Variants in DARS1 observed in about 807,000 individuals in gnomAD.
DARS1 encodes the protein aspartate--tRNA ligase, cytoplasmic.
In DARS1, 51 loss-of-function variants were observed where a neutral mutation model predicts 68.8. The ratio of observed to expected loss-of-function variants is 0.74; its 90% confidence interval spans 0.59 to 0.94. The LOEUF is 0.94. Ranked by LOEUF, DARS1 falls within the 40% of genes least tolerant of loss-of-function variation. The pLI is 0.00. For missense variants in DARS1, 607 were observed against 597.3 expected (o/e 1.02, Z -0.17); for synonymous variants, 203 against 190.4 (o/e 1.07, Z -0.55).
At chr2:135,934,528 A>G (rs1681424729) in intron 5 of DARS1, among the ~76,000 whole-genome samples, 1 of 152,032 alleles carries the variant, frequency 6.6e-6, no homozygotes, top group Admixed American at 6.6e-5. Flanking sequence ...TGGCTGAGGC[A>G]CAAGGATCAC....
At position 135,940,931 on chromosome 2, in the gene DARS1, T is replaced by A. The variant is rs543321530; in HGVS notation, c.423+2447A>T. 4.1e-4 allele frequency among the ~76,000 whole-genome samples: 63 copies of A among 152,076 alleles called. 1 individual carries two copies. Among genetic ancestry groups the A allele is most frequent in the African/African-American group, 1.4e-3 (60 of 41,470 alleles). On this transcript the variant is annotated intron_variant, in intron 5 of 15. Coordinates refer to ENST00000264161, the MANE Select transcript of DARS1 (RefSeq NM_001349.4). Reference sequence around the variant, plus strand: ...CACAATTGCTTCAAAGAGAATAAAATACCTAGGAATCCAACTTACAAGGGA... The same window carrying A: ...CACAATTGCTTCAAAGAGAATAAAAAACCTAGGAATCCAACTTACAAGGGA...
At chr2:135,982,191 A>G (rs1275579979) in intron 2 of DARS1, among the ~76,000 whole-genome samples, 1 of 152,232 alleles carries the variant, frequency 6.6e-6, no homozygotes, top group Non-Finnish European at 1.5e-5. Context: ...TAGTTAAGTA[A>G]GACAAATCTG....
intron 5 of DARS1, among the ~76,000 whole-genome samples, chr2:135,936,602 G>T (rs1681477271): frequency 6.6e-6 from 1 of 152,118 alleles, no homozygotes; most frequent in Non-Finnish European, 1.5e-5. Flanking sequence ...GTGTTACTTG[G>T]AAGATGTGGG....
chr2:135,912,471 A>G lies in DARS1; in HGVS notation c.1230+15T>C. On this transcript the variant is annotated intron_variant, in intron 13 of 15. Coordinates refer to ENST00000264161, the MANE Select transcript of DARS1 (RefSeq NM_001349.4). Reference sequence around the variant, plus strand: ...TTCTGCCTCAAAATGGGTTACTTAAAACCAAATTACTTACGGGATTTCTTG... The same window carrying G: ...TTCTGCCTCAAAATGGGTTACTTAAGACCAAATTACTTACGGGATTTCTTG... 1 of 913,858 alleles carries G rather than the reference A, an allele frequency of 1.1e-6. No homozygotes were observed. The highest frequency in any genetic ancestry group is 1.8e-6 in the Non-Finnish European group (1 of 565,768). 56.6% of individuals were successfully genotyped at this position (913,858 alleles called of 1,614,324 possible).
chr2:135,964,097 C>T (rs757028905), intron 3 of DARS1, among the ~76,000 whole-genome samples: 22 of 152,026 alleles, frequency 1.4e-4, no homozygotes, highest in African/African-American at 4.4e-4. Context: ...GCTGGGAACA[C>T]GAACGTAAGT....
intron 3 of DARS1, among the ~76,000 whole-genome samples, chr2:135,975,940 C>T (rs1237533448): frequency 6.6e-6 from 1 of 152,068 alleles, no homozygotes; most frequent in Non-Finnish European, 1.5e-5. Context: ...CAGGGCAAGA[C>T]TCCACCTCAA....
chr2:135,919,443 T>C (rs1489925200), intron 10 of DARS1, among the ~76,000 whole-genome samples: 1 of 152,212 alleles, frequency 6.6e-6, no homozygotes, highest in Non-Finnish European at 1.5e-5. Flanking sequence ...CAACAAGGAA[T>C]AGTTGAATTG....
chr2:135,924,513 T>C lies in DARS1; in HGVS notation c.565-15A>G. The C allele has an allele frequency of 6.3e-7, 1 of 1,595,470 alleles. No homozygotes were observed. The highest frequency in any genetic ancestry group is 8.5e-7 in the Non-Finnish European group (1 of 1,174,244). ...CTAGTTGATGTCTAGAAGACAGTAA[T>C]AAAATCTAATTAAATCAACGTACTT... On this transcript the variant is annotated splice_polypyrimidine_tract_variant and intron_variant, in intron 7 of 15. Coordinates refer to ENST00000264161, the MANE Select transcript of DARS1 (RefSeq NM_001349.4).
intron 9 of DARS1, among the ~76,000 whole-genome samples, chr2:135,921,784 G>T (rs1459680112): frequency 6.6e-6 from 1 of 152,122 alleles, no homozygotes; most frequent in Non-Finnish European, 1.5e-5. Context: ...ATTTTAACAA[G>T]ATCTCCAGGT....
intron 4 of DARS1, among the ~76,000 whole-genome samples, chr2:135,957,604 G>A (rs541538143): frequency 1.3e-5 from 2 of 151,982 alleles, no homozygotes; most frequent in Non-Finnish European, 1.5e-5. Flanking sequence ...TCAAGTGAAC[G>A]GCCCATTTTG....
At chr2:135,968,746 C>T (rs1261666662) in intron 3 of DARS1, among the ~76,000 whole-genome samples, 1 of 151,320 alleles carries the variant, frequency 6.6e-6, no homozygotes, top group Non-Finnish European at 1.5e-5. Context: ...ACTGCAACCT[C>T]CGCCTCCTGG....
intron 2 of DARS1, among the ~76,000 whole-genome samples, chr2:135,982,306 A>G (rs563889520): frequency 6.6e-6 from 1 of 152,286 alleles, no homozygotes; most frequent in South Asian, 2.1e-4. Flanking sequence ...ATTTCAAAGA[A>G]ATATAAGGCC....
Position 135,933,971 on chromosome 2 carries a change from G to C in DARS1, c.443C>G (p.Ala148Gly). Residue 148 changes from alanine (A) to glycine (G), a missense_variant, in exon 6 of 16, where the codon GCT becomes GGT. Coordinates refer to ENST00000264161, the MANE Select transcript of DARS1 (RefSeq NM_001349.4). The part of the protein sequence containing the change: ...HVQKIYVISL[A>G]EPRLPLQLDD... Reference sequence around the variant, plus strand: ...CAGCTGCAGGGGCAGACGGGGTTCAGCCAAACTGATCACATAAATCTGTAA... The same window carrying C: ...CAGCTGCAGGGGCAGACGGGGTTCACCCAAACTGATCACATAAATCTGTAA... The C allele has an allele frequency of 6.2e-7, 1 of 1,613,126 alleles. No individual in the cohort carries two copies. Among genetic ancestry groups the C allele is most frequent in the Non-Finnish European group, 8.5e-7 (1 of 1,179,290 alleles).
At chr2:135,954,749 G>A (rs137927067) in intron 4 of DARS1, among the ~76,000 whole-genome samples, 119 of 152,196 alleles carry the variant, frequency 7.8e-4, no homozygotes, top group African/African-American at 2.6e-3. Context: ...GTATGTGGTA[G>A]GGGATGGGTT....
intron 10 of DARS1, among the ~76,000 whole-genome samples, chr2:135,917,439 T>C (rs1681029524): frequency 6.6e-6 from 1 of 152,226 alleles, no homozygotes; most frequent in Admixed American, 6.5e-5. Context: ...TTGTATTTTA[T>C]ATATAGAATT....
chr2:135,927,829 T>C (rs1004152110), intron 7 of DARS1, among the ~76,000 whole-genome samples: 3 of 152,224 alleles, frequency 2.0e-5, no homozygotes, highest in African/African-American at 7.2e-5. Context: ...TTAAATTCTA[T>C]AGCAAACTTC....
At chr2:135,945,376 T>C (rs1324268867) in intron 4 of DARS1, among the ~76,000 whole-genome samples, 1 of 152,058 alleles carries the variant, frequency 6.6e-6, no homozygotes, top group Non-Finnish European at 1.5e-5. Flanking sequence ...GATCCACCCG[T>C]CTTGGCCTCC....
intron 5 of DARS1, among the ~76,000 whole-genome samples, chr2:135,934,329 G>A (rs951151677): frequency 6.6e-6 from 1 of 152,120 alleles, no homozygotes; most frequent in African/African-American, 2.4e-5. Flanking sequence ...TGTCAAAAAA[G>A]CTATGGTTAG....
chr2:135,938,290 A>T (rs1681515006), intron 5 of DARS1, among the ~76,000 whole-genome samples: 1 of 152,138 alleles, frequency 6.6e-6, no homozygotes, highest in Admixed American at 6.5e-5. Context: ...TGGCTACTGA[A>T]GCTTGTGCAT....
Sources: gnomAD v4.1 joint callset for allele counts (sites outside exome capture counted in the v4.1 genomes callset) on GRCh38, gnomAD v4.1.1 for gene constraint, MANE v1.5 for transcripts, NCBI Gene and HGNC (gene_info 2026-07-23, HGNC 2026-07-21) for gene names.